SDR16C5: variants seen among roughly 807,000 people sequenced by gnomAD.
SDR16C5 encodes short chain dehydrogenase/reductase family 16C member 5.
In SDR16C5, 20 loss-of-function variants were observed where a neutral mutation model predicts 27.7. The observed-to-expected ratio is 0.72, with a 90% CI of 0.51 to 1.05. The LOEUF (loss-of-function observed/expected upper bound fraction) is 1.05. SDR16C5 is among the 50% of genes least tolerant of loss of function. The probability of loss-of-function intolerance (pLI) is 0.00; values close to 1 mark genes in which losing one functional copy is unlikely to be tolerated. For missense variants in SDR16C5, 374 were observed against 366.3 expected (o/e 1.02, Z -0.17); for synonymous variants, 139 against 132.3 (o/e 1.05, Z -0.35).
At chr8:56,318,792 T>C (rs1815261649) in intron 1 of SDR16C5, among the ~76,000 whole-genome samples, 1 of 152,156 alleles carries the variant, frequency 6.6e-6, no homozygotes, top group African/African-American at 2.4e-5. Flanking sequence ...GGCAGATGCT[T>C]ACTAGATTTC....
In SDR16C5 at chr8:56,306,734, T is replaced by C. The variant is rs763948117; in HGVS notation, c.652A>G (p.Thr218Ala). The change falls in exon 5 of 7, where the codon ACC becomes GCC. Residue 218 changes from threonine to alanine, a missense_variant. Thr to Ala is a moderately conservative substitution (Grantham distance 58). Coordinates refer to ENST00000303749, the MANE Select transcript of SDR16C5 (RefSeq NM_138969.4). Reference protein sequence around the residue: ...TFVQKQKGIKTTIVCPFFIKT... With the variant: ...TFVQKQKGIKATIVCPFFIKT... ...ATAAAAAAGGGGCACACAATCGTGG[T>C]TTTGATCCCCTTTTGTTTTTGGACA... The C allele has an allele frequency of 1.1e-5, 17 of 1,613,868 alleles. No homozygotes were observed. The highest frequency in any genetic ancestry group is 1.4e-5 in the Non-Finnish European group (16 of 1,179,992).
In SDR16C5 at chr8:56,320,120, T is replaced by A. The variant is rs914744824; in HGVS notation, c.-76A>T. 2.6e-5 allele frequency: 4 copies of A among 152,170 alleles called. No individual in the cohort carries two copies. The highest frequency in any genetic ancestry group is 4.1e-4 in the South Asian group (2 of 4,822). The allele number at this position is 152,170 out of a possible 1,614,324, so 9.4% of individuals were successfully genotyped here. Reference sequence around the variant, plus strand: ...GCCTCGTCTGCCCCAGGCACCCGAGTCCCTGGCTCGGAGCTCAGTCAGGTT... The same window carrying A: ...GCCTCGTCTGCCCCAGGCACCCGAGACCCTGGCTCGGAGCTCAGTCAGGTT... On this transcript the variant is annotated 5_prime_UTR_variant, in exon 1 of 7. Transcript: ENST00000303749.
intron 1 of SDR16C5, among the ~76,000 whole-genome samples, chr8:56,319,189 G>A (rs1381415631): frequency 6.6e-6 from 1 of 150,878 alleles, no homozygotes; most frequent in African/African-American, 2.4e-5. Context: ...GGGTTGGGGA[G>A]GGGGTGCAAG....
In SDR16C5 at chr8:56,316,311, T is replaced by C. The variant is rs758526091; in HGVS notation, c.37A>G (p.Ile13Val). The change falls in exon 2 of 7, where the codon ATT (isoleucine) becomes GTT (valine). Residue 13 changes from isoleucine (I) to valine (V), a missense_variant. Ile to Val is a conservative substitution (Grantham distance 29). Coordinates refer to ENST00000303749, the MANE Select transcript of SDR16C5 (RefSeq NM_138969.4). ...FNLQSSKKLF[I>V]FLGKSLFSLL... is the part of the protein sequence containing the mutation. ...CTAAACAGTGATTTTCCTAAGAAAATGAACAGTTTCTTTGATGATTGCAGG... is the reference window on the plus strand; with the variant it reads ...CTAAACAGTGATTTTCCTAAGAAAACGAACAGTTTCTTTGATGATTGCAGG... 15 of 1,613,960 alleles carry C rather than the reference T, an allele frequency of 9.3e-6. No individual in the cohort carries two copies. The highest frequency in any genetic ancestry group is 2.2e-5 in the South Asian group (2 of 91,086).
At chr8:56,315,237 C>G (rs1213345214) in intron 2 of SDR16C5, among the ~76,000 whole-genome samples, 3 of 143,174 alleles carry the variant, frequency 2.1e-5, no homozygotes, top group Non-Finnish European at 4.6e-5. Context: ...AAGAGTGAAA[C>G]TCCATCTCAA....
At chr8:56,312,310 C>T (rs977525525) in intron 2 of SDR16C5, 22 bp from the exon 3 acceptor site, 3 of 1,607,148 alleles carry the variant, frequency 1.9e-6, no homozygotes, top group Non-Finnish European at 2.6e-6. Context: ...AAGAGCAACA[C>T]CACCAATGTA....
chr8:56,314,124 T>G (rs964897361), intron 2 of SDR16C5, among the ~76,000 whole-genome samples: 3 of 152,070 alleles, frequency 2.0e-5, no homozygotes, highest in African/African-American at 7.2e-5. Flanking sequence ...GGAGTACCGC[T>G]TGAACCCGGG....
At chr8:56,307,889 C>A (rs537042400) in intron 4 of SDR16C5, among the ~76,000 whole-genome samples, 3 of 152,010 alleles carry the variant, frequency 2.0e-5, no homozygotes, top group African/African-American at 7.2e-5. Context: ...GCTGCAGGTG[C>A]GAGAGTCCTG....
At chr8:56,312,444 C>T (rs189534035) in intron 2 of SDR16C5, among the ~76,000 whole-genome samples, 156 bp from the exon 3 acceptor site, 1 of 152,106 alleles carries the variant, frequency 6.6e-6, no homozygotes, top group East Asian at 1.9e-4. Flanking sequence ...GTGGCTCACA[C>T]CTGTAATCCC....
chr8:56,306,865 A>C (rs1814900097), intron 4 of SDR16C5, 45 bp from the exon 5 acceptor site: 1 of 1,545,290 alleles, frequency 6.5e-7, no homozygotes, highest in South Asian at 1.2e-5. Flanking sequence ...AAGTTTTAAA[A>C]TGGCATTACA....
rs772658861 is a variant in SDR16C5, at chr8:56,305,720, C to G, written c.713G>C (p.Cys238Ser). The G allele has an allele frequency of 3.8e-6, 6 of 1,580,640 alleles. No homozygotes were observed. The highest frequency in any genetic ancestry group is 5.1e-6 in the Non-Finnish European group (6 of 1,170,574). The change falls in exon 6 of 7, where the codon TGT becomes TCT. Residue 238 changes from cysteine to serine, a missense_variant and splice_region_variant. Transcript: ENST00000303749. ...TGMFEGCTTG[C>S]PSLLPILEPK... ...TTCCAGAATTGGCAACAGAGAAGGA[C>G]AGCTAGGATATAAAATGACAACAAT... is the stretch of plus-strand genomic sequence containing the variant.
intron 2 of SDR16C5, 104 bp from the exon 3 acceptor site, chr8:56,312,392 T>C: frequency 9.5e-7 from 1 of 1,047,142 alleles, no homozygotes; most frequent in East Asian, 2.4e-5. Context: ...TAATTCATAC[T>C]GAGTTTATGC....
chr8:56,319,886 G>A (rs1815293698), intron 1 of SDR16C5, among the ~76,000 whole-genome samples, 173 bp downstream of exon 1: 1 of 152,160 alleles, frequency 6.6e-6, no homozygotes, highest in African/African-American at 2.4e-5. Context: ...GCGCTACCCG[G>A]TGCAGCTGCT....
chr8:56,312,375 T>G (rs1815067630), intron 2 of SDR16C5, 87 bp from the exon 3 acceptor site: 1 of 1,234,892 alleles, frequency 8.1e-7, no homozygotes, highest in Non-Finnish European at 1.2e-6. Context: ...GTTTTTTTTA[T>G]CCTGGTTAAT....
At chr8:56,307,605 C>T (rs1437417158) in intron 4 of SDR16C5, among the ~76,000 whole-genome samples, 3 of 152,164 alleles carry the variant, frequency 2.0e-5, no homozygotes, top group South Asian at 2.1e-4. Context: ...AAGCGCCAGG[C>T]GTGGGGTTGT....
intron 1 of SDR16C5, among the ~76,000 whole-genome samples, chr8:56,317,323 C>G (rs1046444579): frequency 3.9e-5 from 6 of 152,088 alleles, no homozygotes; most frequent in African/African-American, 7.2e-5. Context: ...AAGGCCTCCC[C>G]TTGACAAACT....
Position 56,312,157 on chromosome 8 carries a change from C to A in SDR16C5, c.465G>T (p.Trp155Cys). Residue 155 changes from tryptophan to cysteine, a missense_variant and splice_region_variant, in exon 3 of 7, where the codon TGG (tryptophan) becomes TGT (cysteine). Trp to Cys is a radical substitution (Grantham distance 215). Transcript: ENST00000303749. ...SFDVNFKAHL[W>C]TYKAFLPAMI... ...TATGATGAGAAGAAACAATTATTAC[C>A]CATAAATGTGCTTTGAAATTCACAT... 2.5e-6 allele frequency: 4 copies of A among 1,608,510 alleles called. No homozygotes were observed. The highest frequency in any genetic ancestry group is 8.5e-7 in the Non-Finnish European group (1 of 1,175,336).
intron 2 of SDR16C5, among the ~76,000 whole-genome samples, chr8:56,313,235 A>G (rs1815094070): frequency 6.6e-6 from 1 of 152,236 alleles, no homozygotes; most frequent in Admixed American, 6.5e-5. Flanking sequence ...TTTAATCAAT[A>G]TGATGGGACA....
intron 2 of SDR16C5, 54 bp from the exon 3 acceptor site, chr8:56,312,342 G>C (rs967352789): frequency 6.6e-7 from 1 of 1,508,562 alleles, no homozygotes; most frequent in East Asian, 2.3e-5. Context: ...CATGGGCTAG[G>C]TTTTATTTTC....
Sources: gnomAD v4.1 joint callset for allele counts (sites outside exome capture counted in the v4.1 genomes callset) on GRCh38, gnomAD v4.1.1 for gene constraint, MANE v1.5 for transcripts, NCBI Gene and HGNC (gene_info 2026-07-23, HGNC 2026-07-21) for gene names.